The following RASA2 variants were observed in gnomAD, a reference collection of about 807,000 sequenced individuals.
RASA2 encodes ras GTPase-activating protein 2.
A neutral mutation model predicts 118.2 loss-of-function variants in RASA2; 155 were observed. The ratio of observed to expected loss-of-function variants is 1.31; its 90% CI spans 1.15 to 1.50. RASA2 has a LOEUF of 1.50. Ranked by LOEUF, RASA2 falls within the 40% of genes most tolerant of loss-of-function variation. The pLI, the probability that RASA2 is intolerant of heterozygous loss-of-function variation, is 0.00. For missense variants in RASA2, 1,016 were observed against 1,009.6 expected, an observed-to-expected ratio of 1.01 and a Z score of -0.09; for synonymous variants, 353 against 349.1, an observed-to-expected ratio of 1.01 and a Z score of -0.12.
intron 2 of RASA2, among the ~76,000 whole-genome samples, chr3:141,515,984 A>T (rs377371369): frequency 2.2e-4 from 31 of 142,294 alleles, no homozygotes; most frequent in East Asian, 1.7e-3. Context: ...TCTCACTCAT[A>T]GGTGGGAACT....
intron 2 of RASA2, among the ~76,000 whole-genome samples, chr3:141,513,580 C>T (rs574171993): frequency 6.6e-5 from 10 of 152,248 alleles, no homozygotes; most frequent in Admixed American, 5.2e-4. Flanking sequence ...GTTCTTTTTG[C>T]ATTGATTTCT....
At chr3:141,597,910 C>G (rs1445695103) in intron 19 of RASA2, among the ~76,000 whole-genome samples, 1 of 152,064 alleles carries the variant, frequency 6.6e-6, no homozygotes, top group Non-Finnish European at 1.5e-5. Context: ...CATTAAAAGA[C>G]TAACCAGAAA....
chr3:141,612,277 C>A lies in RASA2; in HGVS notation c.2520-6C>A. ...ATTTTGAAAAATGACTTTTTTTCTTCTCTAGGGAAAATCCAATTGTTGGGA... is the reference window on the plus strand; with the variant it reads ...ATTTTGAAAAATGACTTTTTTTCTTATCTAGGGAAAATCCAATTGTTGGGA... On this transcript the variant is annotated splice_polypyrimidine_tract_variant and splice_region_variant and intron_variant, in intron 23 of 23. Coordinates refer to ENST00000286364, the MANE Select transcript of RASA2 (RefSeq NM_006506.5). The A allele has an allele frequency of 6.3e-7, 1 of 1,579,440 alleles. No homozygotes were observed. The highest frequency in any genetic ancestry group is 8.7e-7 in the Non-Finnish European group (1 of 1,154,640).
intron 3 of RASA2, among the ~76,000 whole-genome samples, chr3:141,520,641 CAT>C (rs909877089): frequency 1.7e-5 from 2 of 119,096 alleles, no homozygotes; most frequent in African/African-American, 8.4e-5. Context: ...TATATAGTTA[CAT>C]ACACATATAT....
intron 1 of RASA2, among the ~76,000 whole-genome samples, chr3:141,506,717 A>T (rs1256769060): frequency 1.2e-5 from 1 of 85,932 alleles, no homozygotes; most frequent in South Asian, 3.5e-4. Flanking sequence ...GTTCAAGACC[A>T]GCCTGGGCAA....
At chr3:141,501,269 A>G (rs2081775008) in intron 1 of RASA2, among the ~76,000 whole-genome samples, 1 of 152,200 alleles carries the variant, frequency 6.6e-6, no homozygotes, top group South Asian at 2.1e-4. Flanking sequence ...TTCTGTAACA[A>G]AGGACTCATT....
chr3:141,509,403 A>G (rs1283881729), intron 1 of RASA2, among the ~76,000 whole-genome samples: 9 of 152,208 alleles, frequency 5.9e-5, no homozygotes, highest in Admixed American at 5.9e-4. Context: ...AAATTTATAT[A>G]ATGTTGTTTT....
chr3:141,580,505 C>A, intron 16 of RASA2, 54 bp downstream of exon 16: 1 of 1,362,102 alleles, frequency 7.3e-7, no homozygotes, highest in Non-Finnish European at 1.0e-6. Flanking sequence ...TTGTTACATC[C>A]TATGATCCCT....
At chr3:141,607,249 A>G (rs2083562355) in intron 19 of RASA2, among the ~76,000 whole-genome samples, 1 of 152,164 alleles carries the variant, frequency 6.6e-6, no homozygotes, top group Non-Finnish European at 1.5e-5. Flanking sequence ...TTTAGGTTAG[A>G]AAAATATAAA....
chr3:141,582,008 A>G (rs930788521), intron 17 of RASA2, among the ~76,000 whole-genome samples: 5 of 152,252 alleles, frequency 3.3e-5, no homozygotes, highest in Non-Finnish European at 5.9e-5. Flanking sequence ...ATTAAAAAAT[A>G]AGGAAAGAAA....
intron 9 of RASA2, among the ~76,000 whole-genome samples, 196 bp from the exon 10 acceptor site, chr3:141,570,716 T>G (rs1442535817): frequency 1.3e-5 from 2 of 152,254 alleles, no homozygotes; most frequent in Non-Finnish European, 2.9e-5. Flanking sequence ...GATAAAAATG[T>G]GTTTATAGCT....
At chr3:141,489,513 A>G (rs568716208) in intron 1 of RASA2, among the ~76,000 whole-genome samples, 10 of 152,312 alleles carry the variant, frequency 6.6e-5, no homozygotes, top group African/African-American at 2.4e-4. Context: ...TCTCTTCACC[A>G]CAGTAGGAAA....
At chr3:141,515,352 G>GT (rs1468424970) in intron 2 of RASA2, among the ~76,000 whole-genome samples, 5 of 152,048 alleles carry the variant, frequency 3.3e-5, no homozygotes, top group African/African-American at 1.2e-4. Context: ...GACAAGGATG[G>GT]TATGAATGAC....
chr3:141,512,662 T>C (rs13319704), intron 2 of RASA2, among the ~76,000 whole-genome samples: 3 of 152,252 alleles, frequency 2.0e-5, no homozygotes, highest in African/African-American at 7.2e-5. Context: ...GAGAGTATCA[T>C]ATTAAATTCT....
chr3:141,598,478 G>T (rs1490423128), intron 19 of RASA2, among the ~76,000 whole-genome samples: 1 of 152,206 alleles, frequency 6.6e-6, no homozygotes, highest in Non-Finnish European at 1.5e-5. Flanking sequence ...AAAAGTGTAT[G>T]TAAGAAATTT....
At chr3:141,555,582 C>T (rs958283415) in intron 6 of RASA2, among the ~76,000 whole-genome samples, 1 of 150,624 alleles carries the variant, frequency 6.6e-6, no homozygotes, top group Admixed American at 6.7e-5. Context: ...TTTAAAACCC[C>T]TGAAAAAGGT....
chr3:141,591,435 T>C (rs1490124464), intron 19 of RASA2, among the ~76,000 whole-genome samples: 1 of 152,178 alleles, frequency 6.6e-6, no homozygotes, highest in East Asian at 1.9e-4. Context: ...GGCATTACTG[T>C]GTGGTCATTA....
intron 8 of RASA2, among the ~76,000 whole-genome samples, chr3:141,559,650 T>A (rs1283928135): frequency 2.0e-5 from 3 of 152,162 alleles, no homozygotes; most frequent in Non-Finnish European, 4.4e-5. Flanking sequence ...ACTTTCAAAC[T>A]AAGACAGTTT....
chr3:141,577,006 CTCATGT>C lies in RASA2; in HGVS notation c.1494_1499del (p.His498_Val499del). ...CACCATTTTTTTCCTGCAGATGACCCTCATGTTCAGTATTCTGCAGTGAGCAGCTTT... is the reference window on the plus strand; with the variant it reads ...CACCATTTTTTTCCTGCAGATGACCCTCAGTATTCTGCAGTGAGCAGCTTT... On this transcript the variant is annotated inframe_deletion, in exon 15 of 24. Transcript: ENST00000286364. The C allele has an allele frequency of 6.3e-7, 1 of 1,594,796 alleles. No individual in the cohort carries two copies.
Sources: allele counts gnomAD v4.1 joint callset (sites outside exome capture counted in the v4.1 genomes callset), GRCh38; gene constraint gnomAD v4.1.1; transcripts MANE v1.5; gene names NCBI Gene and HGNC (gene_info 2026-07-23, HGNC 2026-07-21).